Variants in NPSR1 observed in about 807,000 individuals in gnomAD.
NPSR1 encodes the protein neuropeptide S receptor.
NPSR1 carries 48 observed loss-of-function variants against 46.9 expected under a neutral mutation model. The observed-to-expected ratio is 1.02, with a 90% CI of 0.81 to 1.30. The LOEUF (loss-of-function observed/expected upper bound fraction) is 1.30, where lower values mean the gene tolerates loss of function less well. NPSR1 is among the 50% of genes most tolerant of loss of function. The pLI is 0.00. For synonymous variants in NPSR1, 176 were observed against 168.1 expected, an observed-to-expected ratio of 1.05 and a Z score of -0.36; for missense variants, 450 against 449.5, an observed-to-expected ratio of 1.00 and a Z score of -0.01.
At chr7:34,792,398 G>A (rs1232202992) in intron 3 of NPSR1, among the ~76,000 whole-genome samples, 2 of 145,602 alleles carry the variant, frequency 1.4e-5, no homozygotes, top group Non-Finnish European at 3.0e-5. Flanking sequence ...GGTGGCTCAC[G>A]CATATAGTCC....
At chr7:34,702,049 C>T (rs527573562) in intron 2 of NPSR1, among the ~76,000 whole-genome samples, 2 of 152,164 alleles carry the variant, frequency 1.3e-5, no homozygotes, top group Non-Finnish European at 2.9e-5. Context: ...ATCCAGGGCT[C>T]GTGCTGCATT....
chr7:34,778,349 A>T, intron 2 of NPSR1, 113 bp from the exon 3 acceptor site: 1 of 596,174 alleles, frequency 1.7e-6, no homozygotes, highest in South Asian at 2.5e-5. Context: ...AGGAAGGAAA[A>T]AAATTAAAAA....
chr7:34,827,631 G>C (rs547587797), intron 5 of NPSR1, 29 bp downstream of exon 5: 45 of 1,269,956 alleles, frequency 3.5e-5, no homozygotes, highest in Middle Eastern at 2.6e-4. Context: ...AGGACCACAC[G>C]GGGGGGTGGG....
chr7:34,840,769 C>T (rs1206955021), intron 6 of NPSR1, among the ~76,000 whole-genome samples: 1 of 152,174 alleles, frequency 6.6e-6, no homozygotes, highest in Non-Finnish European at 1.5e-5. Flanking sequence ...CAGCCCAGGG[C>T]AGCTGCAGCG....
At chr7:34,852,949 AC>A (rs568177622), downstream of NPSR1, among the ~76,000 whole-genome samples, 4 of 152,284 alleles carry the variant, frequency 2.6e-5, no homozygotes, top group African/African-American at 9.6e-5. Flanking sequence ...AATGGTAAAA[AC>A]TTCTCTACTT....
intron 2 of NPSR1, chr7:34,751,058 C>G: frequency 1.3e-6 from 1 of 780,108 alleles, no homozygotes; most frequent in Non-Finnish European, 2.4e-6. Context: ...GCATGGCCAT[C>G]TCACTCACCT....
chr7:34,838,859 T>C (rs1312031463), intron 6 of NPSR1, among the ~76,000 whole-genome samples: 13 of 152,218 alleles, frequency 8.5e-5, no homozygotes, highest in Non-Finnish European at 1.5e-4. Flanking sequence ...GATTTACTTG[T>C]ACAAACTAGA....
intron 1 of NPSR1, among the ~76,000 whole-genome samples, chr7:34,671,700 T>C (rs1310959167): frequency 3.9e-5 from 6 of 152,214 alleles, no homozygotes; most frequent in African/African-American, 9.6e-5. Flanking sequence ...CCAGACTCTG[T>C]AGCAGGAATC....
At chr7:34,742,420 T>C (rs987885874) in intron 2 of NPSR1, among the ~76,000 whole-genome samples, 2 of 152,210 alleles carry the variant, frequency 1.3e-5, no homozygotes, top group African/African-American at 4.8e-5. Flanking sequence ...ACATGCGGTA[T>C]TTCGTTTTCT....
intron 2 of NPSR1, among the ~76,000 whole-genome samples, chr7:34,698,471 A>G (rs1036518217): frequency 1.3e-5 from 2 of 152,204 alleles, no homozygotes; most frequent in Non-Finnish European, 2.9e-5. Context: ...GATAAAAACC[A>G]GAGAATGAAT....
chr7:34,805,417 T>C (rs1001406619), intron 3 of NPSR1, among the ~76,000 whole-genome samples: 6 of 146,728 alleles, frequency 4.1e-5, no homozygotes, highest in African/African-American at 1.6e-4. Context: ...AGCAAAGGCA[T>C]TGAGAGATAG....
At chr7:34,671,497 GA>G (rs1177422623) in intron 1 of NPSR1, among the ~76,000 whole-genome samples, 1 of 152,100 alleles carries the variant, frequency 6.6e-6, no homozygotes, top group Non-Finnish European at 1.5e-5. Flanking sequence ...CCAAGCAAGC[GA>G]GGCTTGCATG....
At chr7:34,679,423 G>A (rs1424684568) in intron 1 of NPSR1, among the ~76,000 whole-genome samples, 1 of 151,992 alleles carries the variant, frequency 6.6e-6, no homozygotes, top group African/African-American at 2.4e-5. Flanking sequence ...AATCAAGTAT[G>A]GCAAAATTAA....
At chr7:34,761,236 T>C (rs1306098659) in intron 2 of NPSR1, 1 of 152,516 alleles carries the variant, frequency 6.6e-6, no homozygotes, top group East Asian at 1.9e-4. Flanking sequence ...GGAGGACCCA[T>C]CAGAGCCTGA....
chr7:34,782,522 A>G (rs1787274502), intron 3 of NPSR1, among the ~76,000 whole-genome samples: 1 of 152,142 alleles, frequency 6.6e-6, no homozygotes, highest in African/African-American at 2.4e-5. Flanking sequence ...AGCTACACAG[A>G]GACTACAAAT....
intron 3 of NPSR1, among the ~76,000 whole-genome samples, chr7:34,779,023 AT>A (rs2128737030): frequency 6.6e-6 from 1 of 152,228 alleles, no homozygotes; most frequent in African/African-American, 2.4e-5. Flanking sequence ...ATCTATTGGC[AT>A]TTGAATTTCT....
chr7:34,803,888 G>C (rs911129236), intron 3 of NPSR1, among the ~76,000 whole-genome samples: 3 of 151,862 alleles, frequency 2.0e-5, no homozygotes, highest in African/African-American at 7.2e-5. Context: ...CCACAAGTTT[G>C]ATAGCTTAGA....
chr7:34,722,601 T>G (rs997767235), intron 2 of NPSR1, among the ~76,000 whole-genome samples: 1 of 152,192 alleles, frequency 6.6e-6, no homozygotes, highest in Non-Finnish European at 1.5e-5. Flanking sequence ...AGAGACAGAA[T>G]TGCAGGGGCC....
chr7:34,776,732 A>G (rs1427051965), intron 2 of NPSR1, among the ~76,000 whole-genome samples: 5 of 152,242 alleles, frequency 3.3e-5, no homozygotes, highest in African/African-American at 1.2e-4. Flanking sequence ...GTACCTGGGT[A>G]TTGCTGCTGG....
Sources: allele counts gnomAD v4.1 joint callset (sites outside exome capture counted in the v4.1 genomes callset), GRCh38; gene constraint gnomAD v4.1.1; transcripts MANE v1.5; gene names NCBI Gene and HGNC (gene_info 2026-07-23, HGNC 2026-07-21).